Variants in XKR4 observed in about 807,000 individuals in gnomAD.
XKR4 encodes XK-related protein 4.
In XKR4, 12 loss-of-function variants were observed where a neutral mutation model predicts 53.9. The observed-to-expected ratio is 0.22, with a 90% CI of 0.14 to 0.36. XKR4 has a LOEUF of 0.36. Ranked by LOEUF, XKR4 falls within the 10% of genes least tolerant of loss-of-function variation. The pLI is 1.00. For missense variants in XKR4, 799 were observed against 859.5 expected (o/e 0.93, Z 0.88); for synonymous variants, 354 against 362.4 (o/e 0.98, Z 0.26).
chr8:55,400,351 T>A (rs1286808857), intron 2 of XKR4, among the ~76,000 whole-genome samples: 1 of 151,986 alleles, frequency 6.6e-6, no homozygotes, highest in Non-Finnish European at 1.5e-5. Flanking sequence ...TGCTGAAAAA[T>A]GTCTAGTTCA....
chr8:55,381,047 A>T (rs1804224502), intron 2 of XKR4, among the ~76,000 whole-genome samples: 1 of 152,236 alleles, frequency 6.6e-6, no homozygotes. Context: ...TTAGATGCTG[A>T]TGCATTAAAT....
intron 2 of XKR4, among the ~76,000 whole-genome samples, chr8:55,465,021 T>C (rs1805735887): frequency 1.3e-5 from 2 of 152,112 alleles, no homozygotes; most frequent in East Asian, 3.8e-4. Flanking sequence ...TCCATGCTCA[T>C]GGGTAGGAAG....
intron 1 of XKR4, among the ~76,000 whole-genome samples, chr8:55,192,230 G>T (rs1817452090): frequency 7.1e-6 from 1 of 140,460 alleles, no homozygotes; most frequent in Non-Finnish European, 1.5e-5. Context: ...TTCTTACAAA[G>T]TCCCTTAACT....
intron 2 of XKR4, among the ~76,000 whole-genome samples, chr8:55,367,677 C>G (rs1804012144): frequency 6.6e-6 from 1 of 152,176 alleles, no homozygotes; most frequent in South Asian, 2.1e-4. Flanking sequence ...GGGTTAGTAT[C>G]TCAACGTGAC....
intron 1 of XKR4, among the ~76,000 whole-genome samples, chr8:55,251,176 A>G (rs1818357353): frequency 6.6e-6 from 1 of 152,194 alleles, no homozygotes; most frequent in African/African-American, 2.4e-5. Flanking sequence ...GTAGGTGTAT[A>G]TTTAAGTATC....
At chr8:55,216,893 G>A (rs1160472183) in intron 1 of XKR4, among the ~76,000 whole-genome samples, 3 of 151,020 alleles carry the variant, frequency 2.0e-5, no homozygotes, top group African/African-American at 7.4e-5. Context: ...CATTAGAATT[G>A]CAAATAAATA....
intron 1 of XKR4, among the ~76,000 whole-genome samples, chr8:55,184,260 G>A (rs146542849): frequency 3.9e-5 from 6 of 152,114 alleles, no homozygotes; most frequent in Non-Finnish European, 7.4e-5. Context: ...GTTCTCATGG[G>A]ATTAAGAAAA....
At chr8:55,211,146 T>C (rs912338426) in intron 1 of XKR4, among the ~76,000 whole-genome samples, 1 of 152,240 alleles carries the variant, frequency 6.6e-6, no homozygotes, top group African/African-American at 2.4e-5. Context: ...GCCTGCCTGA[T>C]TGGTTTCTTC....
At chr8:55,454,637 G>T (rs1388566613) in intron 2 of XKR4, 24 of 1,092,182 alleles carry the variant, frequency 2.2e-5, no homozygotes, top group Non-Finnish European at 3.2e-5. Flanking sequence ...CCAGCCAGGG[G>T]CACGGTGCAC....
At chr8:55,432,812 T>C (rs993099276) in intron 2 of XKR4, among the ~76,000 whole-genome samples, 1 of 152,098 alleles carries the variant, frequency 6.6e-6, no homozygotes, top group African/African-American at 2.4e-5. Flanking sequence ...CTTTCCCTGC[T>C]TGATCTTACC....
At chr8:55,126,301 G>A (rs1035655580) in intron 1 of XKR4, among the ~76,000 whole-genome samples, 1 of 152,128 alleles carries the variant, frequency 6.6e-6, no homozygotes, top group Non-Finnish European at 1.5e-5. Flanking sequence ...AAACAGTGAC[G>A]GAGATTCTAA....
chr8:55,485,610 C>T (rs533330735), intron 2 of XKR4, among the ~76,000 whole-genome samples: 1 of 152,130 alleles, frequency 6.6e-6, no homozygotes, highest in African/African-American at 2.4e-5. Flanking sequence ...AACTCCTTAC[C>T]TCCTGCCCCC....
At chr8:55,496,561 T>C (rs1197142116) in intron 2 of XKR4, among the ~76,000 whole-genome samples, 2 of 152,204 alleles carry the variant, frequency 1.3e-5, no homozygotes, top group Non-Finnish European at 2.9e-5. Context: ...ACATAAGTAA[T>C]GGGTATTCTT....
intron 2 of XKR4, among the ~76,000 whole-genome samples, chr8:55,395,473 G>A (rs1804503876): frequency 6.6e-6 from 1 of 152,054 alleles, no homozygotes; most frequent in African/African-American, 2.4e-5. Context: ...TGTGTACCAG[G>A]GTGCAGTCAA....
chr8:55,262,418 C>T (rs1264762528), intron 1 of XKR4, among the ~76,000 whole-genome samples: 1 of 152,132 alleles, frequency 6.6e-6, no homozygotes, highest in African/African-American at 2.4e-5. Context: ...CATGTTGAAG[C>T]CTTACCCCCA....
intron 1 of XKR4, among the ~76,000 whole-genome samples, chr8:55,313,104 G>A (rs1456185228): frequency 6.6e-6 from 1 of 152,030 alleles, no homozygotes; most frequent in African/African-American, 2.4e-5. Flanking sequence ...TAATTCCCTT[G>A]GTGGATAGAA....
chr8:55,438,245 A>AAAGCCTATTATG (rs1805206896), intron 2 of XKR4, among the ~76,000 whole-genome samples: 1 of 152,168 alleles, frequency 6.6e-6, no homozygotes, highest in Admixed American at 6.6e-5. Flanking sequence ...AATGACTCAT[A>AAAGCCTATTATG]ATAGGCTTCT....
rs1807025191 is a variant in XKR4 at position 55,535,910 on chromosome 8, T to C, written c.*11683T>C. 1 of 152,234 alleles carries C rather than the reference T, an allele frequency of 6.6e-6. No homozygotes were observed. Among genetic ancestry groups the C allele is most frequent in the African/African-American group, 2.4e-5 (1 of 41,468 alleles). 9.4% of individuals were successfully genotyped at this position (152,234 alleles called of 1,614,324 possible). Reference sequence around the variant, plus strand: ...TCCTTGACCACTGGTCCCTATGGGCTCTGCAGGAGAGCTTCTCGTGGGTTC... The same window carrying C: ...TCCTTGACCACTGGTCCCTATGGGCCCTGCAGGAGAGCTTCTCGTGGGTTC... On this transcript the variant is annotated 3_prime_UTR_variant, in exon 3 of 3. Coordinates refer to ENST00000327381, the MANE Select transcript of XKR4 (RefSeq NM_052898.2).
At chr8:55,495,244 G>A (rs952717149) in intron 2 of XKR4, among the ~76,000 whole-genome samples, 4 of 152,224 alleles carry the variant, frequency 2.6e-5, no homozygotes, top group Admixed American at 2.0e-4. Context: ...AAGCCAGGCA[G>A]TGAGAGCAGG....
Sources: gnomAD v4.1 joint callset for allele counts (sites outside exome capture counted in the v4.1 genomes callset) on GRCh38, gnomAD v4.1.1 for gene constraint, MANE v1.5 for transcripts, NCBI Gene and HGNC (gene_info 2026-07-23, HGNC 2026-07-21) for gene names.